Variants in RELCH observed in about 807,000 individuals in gnomAD.
The protein encoded by RELCH is RAB11-binding protein RELCH.
In RELCH, 41 loss-of-function variants were observed where a neutral mutation model predicts 150.3. That is an observed-to-expected ratio of 0.27 (90% CI 0.21 to 0.35). The LOEUF (loss-of-function observed/expected upper bound fraction) is 0.35, where lower values mean the gene tolerates loss of function less well. Among genes scored for constraint, RELCH ranks in the 10% least tolerant of loss-of-function variants. The probability of loss-of-function intolerance (pLI) is 1.00; values close to 1 mark genes in which losing one functional copy is unlikely to be tolerated. For synonymous variants in RELCH, 478 were observed against 531.8 expected, an observed-to-expected ratio of 0.90 and a Z score of 1.39; for missense variants, 1,092 against 1,467.8, an observed-to-expected ratio of 0.74 and a Z score of 4.18.
At chr18:62,251,135 T>C (rs183268610) in intron 11 of RELCH, among the ~76,000 whole-genome samples, 4 of 152,356 alleles carry the variant, frequency 2.6e-5, no homozygotes, top group Admixed American at 1.3e-4. Flanking sequence ...TGGTTAACTA[T>C]TGTTTTGTAA....
chr18:62,230,987 G>C (rs990262377), intron 8 of RELCH, among the ~76,000 whole-genome samples: 3 of 151,974 alleles, frequency 2.0e-5, no homozygotes, highest in Non-Finnish European at 1.5e-5. Context: ...AAGAACACCA[G>C]TTACTGTTGA....
intron 27 of RELCH, among the ~76,000 whole-genome samples, chr18:62,292,188 A>G (rs2045180830): frequency 6.6e-6 from 1 of 152,006 alleles, no homozygotes; most frequent in Non-Finnish European, 1.5e-5. Flanking sequence ...TACTCTCTCA[A>G]CTTTTACAGT....
intron 2 of RELCH, among the ~76,000 whole-genome samples, chr18:62,218,908 A>G (rs1048772700): frequency 2.0e-5 from 3 of 152,006 alleles, no homozygotes; most frequent in African/African-American, 7.2e-5. Context: ...ATCTAATGCT[A>G]ATAAAGAAGA....
At chr18:62,192,064 C>T (rs1250724394) in intron 1 of RELCH, among the ~76,000 whole-genome samples, 1 of 152,128 alleles carries the variant, frequency 6.6e-6, no homozygotes, top group Non-Finnish European at 1.5e-5. Context: ...TCTGTTGTTT[C>T]TTGACTTTTT....
At chr18:62,254,002 A>C (rs1340828830) in intron 12 of RELCH, among the ~76,000 whole-genome samples, 1 of 152,078 alleles carries the variant, frequency 6.6e-6, no homozygotes, top group Non-Finnish European at 1.5e-5. Flanking sequence ...GTTTTTAAAC[A>C]TTTTTGCTAT....
chr18:62,222,890 G>A (rs965082504), intron 5 of RELCH, among the ~76,000 whole-genome samples: 1 of 150,396 alleles, frequency 6.6e-6, no homozygotes, highest in Non-Finnish European at 1.5e-5. Context: ...AATAACGCAT[G>A]AGTTAAAAAA....
At chr18:62,208,539 T>C (rs1206402185) in intron 1 of RELCH, among the ~76,000 whole-genome samples, 4 of 152,066 alleles carry the variant, frequency 2.6e-5, no homozygotes, top group Non-Finnish European at 5.9e-5. Flanking sequence ...CGGGGGTGCA[T>C]GTGCAGGTTT....
chr18:62,244,298 A>G (rs962886189), intron 10 of RELCH, among the ~76,000 whole-genome samples: 4 of 152,160 alleles, frequency 2.6e-5, no homozygotes, highest in Admixed American at 2.6e-4. Context: ...CTAAGGGTAC[A>G]AAATTGTTAG....
At chr18:62,227,146 A>G (rs550199208) in intron 5 of RELCH, 143 bp from the exon 6 acceptor site, 11 of 602,122 alleles carry the variant, frequency 1.8e-5, no homozygotes, top group Middle Eastern at 4.5e-4. Flanking sequence ...TGAGCCATCT[A>G]TGATTGTGCC....
At chr18:62,276,240 C>T (rs1401433908) in intron 22 of RELCH, among the ~76,000 whole-genome samples, 1 of 152,078 alleles carries the variant, frequency 6.6e-6, no homozygotes, top group African/African-American at 2.4e-5. Context: ...ATCTCTGCTA[C>T]CTAGTGACTT....
At chr18:62,239,062 A>C (rs997686937) in intron 10 of RELCH, among the ~76,000 whole-genome samples, 3 of 152,122 alleles carry the variant, frequency 2.0e-5, no homozygotes, top group Non-Finnish European at 4.4e-5. Context: ...AGATGTATAC[A>C]GTAGTATAGT....
intron 22 of RELCH, among the ~76,000 whole-genome samples, chr18:62,279,302 T>A (rs2044379171): frequency 6.6e-6 from 1 of 152,198 alleles, no homozygotes; most frequent in Non-Finnish European, 1.5e-5. Context: ...AAAATACACT[T>A]GCTATAGCAC....
chr18:62,297,029 A>G (rs1389541205), intron 27 of RELCH, among the ~76,000 whole-genome samples: 1 of 152,250 alleles, frequency 6.6e-6, no homozygotes, highest in Non-Finnish European at 1.5e-5. Flanking sequence ...TACCTCCATT[A>G]GGGTATGGTG....
chr18:62,287,419 G>A lies in RELCH; in HGVS notation c.3322G>A (p.Asp1108Asn), dbSNP rs1275546413. Residue 1108 changes from aspartate to asparagine, a missense_variant, in exon 26 of 29, where the codon GAC becomes AAC. Physicochemically the swap from Asp to Asn is conservative, Grantham distance 23. This residue lies in a region of RELCH where 707 missense variants were observed against 1,025.4 expected (regional missense o/e 0.69). Transcript: ENST00000644646. ...NLQIVDSKRL[D>N]IATHLFEAYS... ...ACAGATTGTGGATTCTAAAAGACTGGACATTGCTACGCATCTTTTTGAAGC... is the reference window on the plus strand; with the variant it reads ...ACAGATTGTGGATTCTAAAAGACTGAACATTGCTACGCATCTTTTTGAAGC... 1.9e-6 allele frequency: 3 copies of A among 1,610,286 alleles called. No homozygotes were observed. The South Asian group carries it at 3.3e-5, about 18-fold the overall frequency.
chr18:62,248,510 C>G (rs1300701201), intron 11 of RELCH, among the ~76,000 whole-genome samples: 1 of 152,158 alleles, frequency 6.6e-6, no homozygotes, highest in South Asian at 2.1e-4. Context: ...TTCATTCTTA[C>G]TATTCCAATT....
chr18:62,214,818 CAG>C (rs1383211043), intron 2 of RELCH, among the ~76,000 whole-genome samples: 3 of 152,086 alleles, frequency 2.0e-5, no homozygotes, highest in Non-Finnish European at 4.4e-5. Flanking sequence ...ATGCAGGGAG[CAG>C]AGTTTTGAGG....
chr18:62,244,791 G>A lies in RELCH; in HGVS notation c.1648G>A (p.Ala550Thr), dbSNP rs750257764. 144 of 1,612,796 alleles carry A rather than the reference G, an allele frequency of 8.9e-5. No homozygotes were observed. Among genetic ancestry groups the A allele is most frequent in the Non-Finnish European group, 1.2e-4 (137 of 1,179,052 alleles). Residue 550 changes from alanine (A) to threonine (T), a missense_variant, in exon 11 of 29, where the codon GCA (alanine) becomes ACA (threonine). By Grantham distance (58) the Ala-to-Thr change is moderately conservative. Transcript: ENST00000644646. ...EELIPLILCT[A>T]CLHPEPKERD... ...GTTGATCCCCCTCATATTGTGTACAGCATGTCTACATCCTGAGCCTAAAGA... is the reference window on the plus strand; with the variant it reads ...GTTGATCCCCCTCATATTGTGTACAACATGTCTACATCCTGAGCCTAAAGA...
rs376134726 is a variant in RELCH, at chr18:62,274,030, G to A, written c.2811G>A (p.Leu937=). The A allele has an allele frequency of 1.8e-5, 29 of 1,613,022 alleles. No homozygotes were observed. The highest frequency in any genetic ancestry group is 2.4e-5 in the Non-Finnish European group (28 of 1,179,412). Residue 937 remains leucine, a synonymous_variant, in exon 21 of 29, where the codon CTG becomes CTA. Coordinates refer to ENST00000644646, the MANE Select transcript of RELCH (RefSeq NM_001346231.2). The stretch of plus-strand genomic sequence containing the variant: ...GATTCTTAGAAGATGTAATGACGCT[G>A]CTTTCATTATCTCATGCTCCTCTTG... ...LVGFLEDVMT[L]LSLSHAPLDS...
At chr18:62,267,478 G>GTA (rs200793738) in intron 19 of RELCH, among the ~76,000 whole-genome samples, 2 of 101,360 alleles carry the variant, frequency 2.0e-5, no homozygotes, top group Non-Finnish European at 1.9e-5. Flanking sequence ...TATAGTCTAG[G>GTA]TATATATGTG....
Sources: allele counts gnomAD v4.1 joint callset (sites outside exome capture counted in the v4.1 genomes callset), GRCh38; gene constraint gnomAD v4.1.1; regional missense constraint gnomAD v4.1.1; transcripts MANE v1.5; gene names NCBI Gene and HGNC (gene_info 2026-07-23, HGNC 2026-07-21).